The following FGF9 variants were observed in gnomAD, a reference collection of about 807,000 sequenced individuals.
FGF9 encodes the protein fibroblast growth factor 9.
In FGF9, 3 loss-of-function variants were observed where a neutral mutation model predicts 19.9. The observed-to-expected ratio is 0.15, with a 90% CI of 0.07 to 0.39. FGF9 has a LOEUF of 0.39. Ranked by LOEUF, FGF9 falls within the 10% of genes least tolerant of loss-of-function variation. FGF9 has a pLI of 1.00. For missense variants in FGF9, 175 were observed against 256.8 expected (o/e 0.68, Z 2.18); for synonymous variants, 107 against 106.9 (o/e 1.00, Z -0.01).
At chr13:21,684,745 AG>A (rs1467154669) in intron 2 of FGF9, among the ~76,000 whole-genome samples, 1 of 152,216 alleles carries the variant, frequency 6.6e-6, no homozygotes, top group Non-Finnish European at 1.5e-5. Flanking sequence ...GTTTCTTCCC[AG>A]TCTGGATGGA....
At position 21,671,996 on chromosome 13, in the gene FGF9, C is replaced by T; in HGVS notation, c.84C>T (p.Asp28=). ...GGAATGTGCCCGTGTTGCCGGTGGACAGCCCGGTTTTGTTAAGTGACCACC... is the reference window on the plus strand; with the variant it reads ...GGAATGTGCCCGTGTTGCCGGTGGATAGCCCGGTTTTGTTAAGTGACCACC... ...PFGNVPVLPV[D]SPVLLSDHLG... Residue 28 remains aspartate (D), a synonymous_variant, in exon 1 of 3, where the codon GAC becomes GAT. Coordinates refer to ENST00000382353, the MANE Select transcript of FGF9 (RefSeq NM_002010.3). 1 of 1,614,188 alleles carries T rather than the reference C, an allele frequency of 6.2e-7. No homozygotes were observed. The highest frequency in any genetic ancestry group is 8.5e-7 in the Non-Finnish European group (1 of 1,180,038).
At chr13:21,676,348 T>C (rs1871914903) in intron 1 of FGF9, among the ~76,000 whole-genome samples, 1 of 152,118 alleles carries the variant, frequency 6.6e-6, no homozygotes, top group Non-Finnish European at 1.5e-5. Context: ...TATGATAGTA[T>C]GATTTTTTTA....
intron 2 of FGF9, among the ~76,000 whole-genome samples, chr13:21,692,494 G>T (rs1484408120): frequency 1.3e-5 from 2 of 152,140 alleles, no homozygotes; most frequent in Non-Finnish European, 2.9e-5. Flanking sequence ...ACAGGCCCCG[G>T]GATCGCCACT....
intron 1 of FGF9, among the ~76,000 whole-genome samples, chr13:21,674,776 C>T (rs1309536975): frequency 6.6e-6 from 1 of 151,390 alleles, no homozygotes; most frequent in Non-Finnish European, 1.5e-5. Flanking sequence ...CATTAGAAAT[C>T]CCGTAACTCT....
At chr13:21,681,560 A>G (rs1380218137) in intron 2 of FGF9, among the ~76,000 whole-genome samples, 1 of 152,254 alleles carries the variant, frequency 6.6e-6, no homozygotes, top group Non-Finnish European at 1.5e-5. Context: ...CAAGATTTTC[A>G]TTATGCAGAG....
At chr13:21,688,885 G>A (rs916485611) in intron 2 of FGF9, among the ~76,000 whole-genome samples, 1 of 152,000 alleles carries the variant, frequency 6.6e-6, no homozygotes, top group African/African-American at 2.4e-5. Flanking sequence ...TTTAGTTACA[G>A]TGTTGAGCAT....
chr13:21,688,847 G>A (rs1593096238), intron 2 of FGF9, among the ~76,000 whole-genome samples: 1 of 150,446 alleles, frequency 6.6e-6, no homozygotes, highest in Admixed American at 6.6e-5. Context: ...GTGGACAATC[G>A]TCTTTTAAAA....
In FGF9 at chr13:21,701,201, C is replaced by G. The variant is rs1872532814; in HGVS notation, c.393C>G (p.Thr131=). 3 of 1,613,310 alleles carry G rather than the reference C, an allele frequency of 1.9e-6. No individual in the cohort carries two copies. The highest frequency in any genetic ancestry group is 1.7e-6 in the Non-Finnish European group (2 of 1,179,712). ...KGELYGSEKL[T]QECVFREQFE... ...TTTTCTTTTTACAGGAAAAACTAAC[C>G]CAAGAGTGTGTATTCAGAGAACAGT... Residue 131 remains threonine, a synonymous_variant, in exon 3 of 3, where the codon ACC becomes ACG. Coordinates refer to ENST00000382353, the MANE Select transcript of FGF9 (RefSeq NM_002010.3).
intron 2 of FGF9, among the ~76,000 whole-genome samples, chr13:21,698,601 A>T (rs1872469747): frequency 6.6e-6 from 1 of 152,178 alleles, no homozygotes; most frequent in African/African-American, 2.4e-5. Flanking sequence ...TTCCCATCAC[A>T]TAAACTCATT....
intron 1 of FGF9, among the ~76,000 whole-genome samples, chr13:21,674,895 C>T (rs1364773668): frequency 6.6e-6 from 1 of 151,224 alleles, no homozygotes; most frequent in Non-Finnish European, 1.5e-5. Flanking sequence ...TACAGTGGCT[C>T]AATAGAAACC....
rs1317835330 is a variant in FGF9 at position 21,691,433 on chromosome 13, C to T, written c.382-9757C>T. Among the ~76,000 whole-genome samples, 1 of 152,196 alleles carries T rather than the reference C, an allele frequency of 6.6e-6. No individual in the cohort carries two copies. The highest frequency in any genetic ancestry group is 1.9e-4 in the East Asian group (1 of 5,196). ...GAAACCTTTTCAGCCAAGAAGGCAA[C>T]TTTGCTGCAGGGTTTAGAAACATGG... is the stretch of plus-strand genomic sequence containing the variant. On this transcript the variant is annotated intron_variant, in intron 2 of 2. Coordinates refer to ENST00000382353, the MANE Select transcript of FGF9 (RefSeq NM_002010.3). This position sits in a 1 kb window ranked among gnomAD's most constrained non-coding sequence, Gnocchi z 4.2.
At chr13:21,681,912 T>G (rs1389218035) in intron 2 of FGF9, among the ~76,000 whole-genome samples, 5 of 152,260 alleles carry the variant, frequency 3.3e-5, no homozygotes, top group Admixed American at 3.3e-4. Context: ...TTTTGCTGAA[T>G]GTATAAGTAT....
chr13:21,677,668 C>T (rs554018242), intron 1 of FGF9, among the ~76,000 whole-genome samples: 1 of 152,162 alleles, frequency 6.6e-6, no homozygotes, highest in African/African-American at 2.4e-5. Flanking sequence ...CAGTGGAATT[C>T]TTTGCATGGG....
chr13:21,692,095 A>G (rs11840995), intron 2 of FGF9, among the ~76,000 whole-genome samples: 3,695 of 151,956 alleles, frequency 0.024, 56 homozygotes, highest in Non-Finnish European at 0.036. Flanking sequence ...CCAAGGTCGT[A>G]CCAAAGACAT....
Position 21,703,122 on chromosome 13 carries a change from T to C in FGF9, c.*1687T>C, listed in dbSNP as rs1383773505. 1 of 152,234 alleles carries C rather than the reference T, an allele frequency of 6.6e-6. No individual in the cohort carries two copies. The highest frequency in any genetic ancestry group is 2.4e-5 in the African/African-American group (1 of 41,476). The allele number at this position is 152,234 out of a possible 1,614,324, so 9.4% of individuals were successfully genotyped here. ...TAAGAAAAAAGGAATTTATAACAAATTCTCATCTACATATGACACTTTCTA... is the reference window on the plus strand; with the variant it reads ...TAAGAAAAAAGGAATTTATAACAAACTCTCATCTACATATGACACTTTCTA... On this transcript the variant is annotated 3_prime_UTR_variant, in exon 3 of 3. Transcript: ENST00000382353.
rs570781152 is a variant in FGF9 at position 21,695,410 on chromosome 13, C to G, written c.382-5780C>G. ...AGGAATGTGGATATAAAAGCAGGGC[C>G]CATCTGGAATACTGGGGAATTTAGA... On this transcript the variant is annotated intron_variant, in intron 2 of 2. Transcript: ENST00000382353. Among the ~76,000 whole-genome samples, 4 of 151,968 alleles carry G rather than the reference C, an allele frequency of 2.6e-5. No homozygotes were observed. In the South Asian group the frequency reaches 6.3e-4, roughly 24 times the overall value.
intron 2 of FGF9, among the ~76,000 whole-genome samples, chr13:21,685,212 G>C (rs565214130): frequency 6.6e-6 from 1 of 152,064 alleles, no homozygotes; most frequent in African/African-American, 2.4e-5. Flanking sequence ...TTTTCTAAAC[G>C]GTTAGAAACT....
chr13:21,700,236 C>T (rs1013598379), intron 2 of FGF9, among the ~76,000 whole-genome samples: 2 of 151,968 alleles, frequency 1.3e-5, no homozygotes, highest in African/African-American at 4.8e-5. Context: ...GAGAATGTAG[C>T]TTTTTTAGTT....
In FGF9 at chr13:21,672,016, A is replaced by G. The variant is rs1373965286; in HGVS notation, c.104A>G (p.Asp35Gly). Residue 35 changes from aspartate (D) to glycine (G), a missense_variant, in exon 1 of 3, where the codon GAC (aspartate) becomes GGC (glycine). By Grantham distance (94) the Asp-to-Gly change is moderately conservative (BLOSUM62 -1). This residue lies in a region of FGF9 where 69 missense variants were observed against 73.6 expected (regional missense o/e 0.94). Transcript: ENST00000382353. The surrounding 1 kb of genome is among the most constrained non-coding windows in gnomAD (Gnocchi z 4.2). ...LPVDSPVLLS[D>G]HLGQSEAGGL... ...GTGGACAGCCCGGTTTTGTTAAGTG[A>G]CCACCTGGGTCAGTCCGAAGCAGGG... The G allele has an allele frequency of 6.8e-6, 11 of 1,614,114 alleles. No individual in the cohort carries two copies. Among genetic ancestry groups the G allele is most frequent in the African/African-American group, 1.3e-5 (1 of 74,998 alleles).
Sources: gnomAD v4.1 joint callset for allele counts (sites outside exome capture counted in the v4.1 genomes callset) on GRCh38, gnomAD v4.1.1 for gene constraint, gnomAD v4.1.1 regional missense constraint, Gnocchi (gnomAD v3.1) non-coding constraint, MANE v1.5 for transcripts, NCBI Gene and HGNC (gene_info 2026-07-23, HGNC 2026-07-21) for gene names.